Variants in LRMDA observed in about 807,000 individuals in gnomAD.
The protein encoded by LRMDA is leucine-rich melanocyte differentiation-associated protein.
LRMDA carries 18 observed loss-of-function variants against 29.8 expected under a neutral mutation model. The observed-to-expected ratio is 0.60, with a 90% CI of 0.42 to 0.90. The LOEUF (loss-of-function observed/expected upper bound fraction) is 0.90, where lower values mean the gene tolerates loss of function less well. Among genes scored for constraint, LRMDA ranks in the 40% least tolerant of loss-of-function variants. LRMDA has a pLI of 0.00. For missense variants in LRMDA, 273 were observed against 273.9 expected, an observed-to-expected ratio of 1.00 and a Z score of 0.02; for synonymous variants, 125 against 109.4, an observed-to-expected ratio of 1.14 and a Z score of -0.89.
intron 2 of LRMDA, among the ~76,000 whole-genome samples, chr10:75,906,768 C>T (rs181415378): frequency 3.3e-4 from 51 of 152,332 alleles, no homozygotes; most frequent in African/African-American, 8.9e-4. Context: ...GCATTGATGC[C>T]GAAACAAGGC....
intron 5 of LRMDA, among the ~76,000 whole-genome samples, chr10:76,101,404 C>G (rs1849392191): frequency 6.6e-6 from 1 of 152,160 alleles, no homozygotes; most frequent in African/African-American, 2.4e-5. Flanking sequence ...AATTTGCTGA[C>G]TATTCATGTA....
chr10:75,642,275 G>A (rs745514576), intron 2 of LRMDA, among the ~76,000 whole-genome samples: 5 of 150,810 alleles, frequency 3.3e-5, no homozygotes, highest in Non-Finnish European at 7.3e-5. Context: ...AAGCATGAAC[G>A]TTTCCCTGTT....
At position 75,462,836 on chromosome 10, in the gene LRMDA, T is replaced by C. The variant is rs140635943; in HGVS notation, c.131+24342T>C. On this transcript the variant is annotated intron_variant, in intron 2 of 6. Transcript: ENST00000611255. ...AACATTCCAGGTAGGATTCTGGGCG[T>C]TGATTTGCATGTGTTTTGAGATATT... 2.2e-4 allele frequency among the ~76,000 whole-genome samples: 34 copies of C among 152,292 alleles called. No homozygotes were observed. In the East Asian group the frequency reaches 6.2e-3, roughly 28 times the overall value.
At chr10:76,545,273 G>A (rs1241182110) in intron 6 of LRMDA, among the ~76,000 whole-genome samples, 1 of 150,884 alleles carries the variant, frequency 6.6e-6, no homozygotes, top group African/African-American at 2.4e-5. Context: ...TCAGCCTGCA[G>A]AACCAGACAG....
At chr10:75,750,319 G>T (rs947747685) in intron 2 of LRMDA, among the ~76,000 whole-genome samples, 1 of 151,772 alleles carries the variant, frequency 6.6e-6, no homozygotes, top group African/African-American at 2.4e-5. Flanking sequence ...CTCCCTCCCG[G>T]ACGGGGCAGC....
Position 76,144,515 on chromosome 10 carries a change from A to G in LRMDA, c.516+85732A>G, listed in dbSNP as rs538756099. 1.0e-3 allele frequency among the ~76,000 whole-genome samples: 154 copies of G among 152,278 alleles called. 2 individuals carry two copies. Among genetic ancestry groups the G allele is most frequent in the African/African-American group, 3.4e-3 (143 of 41,544 alleles). ...GTTTGTCTGTTATTGGTGTATAAGAATGCTTGTGATTTTTGTACATTGATT... is the reference window on the plus strand; with the variant it reads ...GTTTGTCTGTTATTGGTGTATAAGAGTGCTTGTGATTTTTGTACATTGATT... On this transcript the variant is annotated intron_variant, in intron 5 of 6. Coordinates refer to ENST00000611255, the MANE Select transcript of LRMDA (RefSeq NM_001305581.2).
intron 2 of LRMDA, among the ~76,000 whole-genome samples, chr10:75,787,303 T>C (rs1286433147): frequency 6.6e-6 from 1 of 152,214 alleles, no homozygotes; most frequent in Non-Finnish European, 1.5e-5. Context: ...GATTCCTGGG[T>C]GTTTCCTGGG....
intron 2 of LRMDA, among the ~76,000 whole-genome samples, chr10:75,781,609 G>A (rs1451853308): frequency 1.3e-5 from 2 of 152,168 alleles, no homozygotes; most frequent in African/African-American, 4.8e-5. Flanking sequence ...CACAGTGAGG[G>A]AAGCGAGGCT....
At chr10:75,578,683 AT>A (rs1468297503) in intron 2 of LRMDA, among the ~76,000 whole-genome samples, 1 of 152,120 alleles carries the variant, frequency 6.6e-6, no homozygotes, top group Non-Finnish European at 1.5e-5. Context: ...AAGAATGGAA[AT>A]CATAACAGTC....
chr10:75,598,632 T>C (rs1840834844), intron 2 of LRMDA, among the ~76,000 whole-genome samples: 1 of 152,170 alleles, frequency 6.6e-6, no homozygotes, highest in Non-Finnish European at 1.5e-5. Context: ...CATTCTATAG[T>C]AAATATTTGG....
chr10:75,739,881 A>G (rs1253091818), intron 2 of LRMDA, among the ~76,000 whole-genome samples: 1 of 152,214 alleles, frequency 6.6e-6, no homozygotes, highest in African/African-American at 2.4e-5. Context: ...AGCACACACA[A>G]TGCAATATGC....
At chr10:75,840,838 C>A (rs1844528517) in intron 2 of LRMDA, among the ~76,000 whole-genome samples, 2 of 152,210 alleles carry the variant, frequency 1.3e-5, no homozygotes, top group South Asian at 2.1e-4. Flanking sequence ...TTTCAAAATG[C>A]AAACTATCTA....
intron 5 of LRMDA, among the ~76,000 whole-genome samples, chr10:76,092,403 T>C (rs1849245253): frequency 6.6e-6 from 1 of 152,202 alleles, no homozygotes. Context: ...ATGACCTGGA[T>C]ATACTTATTT....
At chr10:75,985,013 A>G (rs906012162) in intron 2 of LRMDA, among the ~76,000 whole-genome samples, 7 of 152,192 alleles carry the variant, frequency 4.6e-5, no homozygotes, top group African/African-American at 1.7e-4. Context: ...ATATGAACTT[A>G]TCTGTGGCTG....
At chr10:75,526,121 A>G (rs1798143337) in intron 2 of LRMDA, among the ~76,000 whole-genome samples, 1 of 151,976 alleles carries the variant, frequency 6.6e-6, no homozygotes, top group African/African-American at 2.4e-5. Context: ...GCTGGAGTGC[A>G]GTGGTGTGAT....
At chr10:76,286,986 C>T (rs1840279274) in intron 5 of LRMDA, among the ~76,000 whole-genome samples, 1 of 152,084 alleles carries the variant, frequency 6.6e-6, no homozygotes, top group South Asian at 2.1e-4. Flanking sequence ...GTACCTCAAA[C>T]TTTATTATTA....
At position 76,526,646 on chromosome 10, in the gene LRMDA, A is replaced by G. The variant is rs77155011; in HGVS notation, c.602-30563A>G. 4.5e-3 allele frequency among the ~76,000 whole-genome samples: 684 copies of G among 152,162 alleles called. 1 individual carries two copies. Among genetic ancestry groups the G allele is most frequent in the African/African-American group, 0.015 (613 of 41,506 alleles). On this transcript the variant is annotated intron_variant, in intron 6 of 6. Coordinates refer to ENST00000611255, the MANE Select transcript of LRMDA (RefSeq NM_001305581.2). ...ATAAATCGCATTTTTTGTATACCTA[A>G]TAAAGACTTGAAACTTTGCTAGATG...
rs575580824 is a variant in LRMDA at position 75,737,021 on chromosome 10, G to C, written c.131+298527G>C. Among the ~76,000 whole-genome samples the C allele has an allele frequency of 1.6e-4, 25 of 151,996 alleles. No individual in the cohort carries two copies. In the South Asian group the frequency reaches 4.4e-3, roughly 27 times the overall value. ...TAAGGTTTTCCTAGAACCCCATGTT[G>C]TCTCCCTTCCTTTGTATACACACAC... On this transcript the variant is annotated intron_variant, in intron 2 of 6. Transcript: ENST00000611255.
intron 2 of LRMDA, among the ~76,000 whole-genome samples, chr10:75,900,612 G>A (rs1845654333): frequency 6.6e-6 from 1 of 152,104 alleles, no homozygotes; most frequent in Non-Finnish European, 1.5e-5. Flanking sequence ...TTGCCCCCCA[G>A]CCCCCGCAGC....
Sources: allele counts gnomAD v4.1 joint callset (sites outside exome capture counted in the v4.1 genomes callset), GRCh38; gene constraint gnomAD v4.1.1; transcripts MANE v1.5; gene names NCBI Gene and HGNC (gene_info 2026-07-23, HGNC 2026-07-21).